The following GTF2H1 variants were observed in gnomAD, a reference collection of about 807,000 sequenced individuals.
GTF2H1 encodes BTF2 p62.
Under a neutral mutation model 71.2 loss-of-function variants are expected in GTF2H1, and 16 were observed. That is an observed-to-expected ratio of 0.22 (90% CI 0.15 to 0.34). The LOEUF is 0.34. GTF2H1 is among the 10% of genes least tolerant of loss of function. GTF2H1 has a pLI of 1.00. For synonymous variants in GTF2H1, 215 were observed against 219.0 expected (o/e 0.98, Z 0.16); for missense variants, 498 against 648.2 (o/e 0.77, Z 2.52).
intron 5 of GTF2H1, among the ~76,000 whole-genome samples, chr11:18,341,050 G>A (rs957657204): frequency 1.9e-4 from 29 of 152,068 alleles, no homozygotes; most frequent in African/African-American, 6.5e-4. Flanking sequence ...GTGCAAATAA[G>A]GTTTTGTTTG....
At chr11:18,347,565 T>G (rs937419728) in intron 7 of GTF2H1, 23 bp from the exon 8 acceptor site, 3 of 1,524,904 alleles carry the variant, frequency 2.0e-6, no homozygotes, top group Admixed American at 2.2e-5. Flanking sequence ...TTTAAAAAAT[T>G]TTTAATCTAT....
At chr11:18,331,601 G>A (rs1441061355) in intron 1 of GTF2H1, among the ~76,000 whole-genome samples, 7 of 152,048 alleles carry the variant, frequency 4.6e-5, no homozygotes, top group African/African-American at 1.7e-4. Flanking sequence ...AGGAGGCGAA[G>A]GTTGTGGTGA....
chr11:18,354,741 A>C (rs1865503729), intron 11 of GTF2H1, among the ~76,000 whole-genome samples: 1 of 152,106 alleles, frequency 6.6e-6, no homozygotes, highest in South Asian at 2.1e-4. Flanking sequence ...TCTGTTTGTT[A>C]TTTATATCAG....
chr11:18,355,564 G>A (rs1865526009), intron 11 of GTF2H1, among the ~76,000 whole-genome samples: 3 of 151,878 alleles, frequency 2.0e-5, no homozygotes, highest in Admixed American at 1.3e-4. Flanking sequence ...GGAGTGTAGT[G>A]GCACAATCTC....
intron 13 of GTF2H1, 76 bp downstream of exon 13, chr11:18,358,716 T>C: frequency 1.2e-6 from 1 of 852,626 alleles, no homozygotes; most frequent in South Asian, 1.4e-5. Context: ...GAAAGTTTTA[T>C]TGAGTCTTAC....
intron 11 of GTF2H1, among the ~76,000 whole-genome samples, chr11:18,354,984 A>G (rs1190655710): frequency 6.6e-6 from 1 of 151,152 alleles, no homozygotes; most frequent in Non-Finnish European, 1.5e-5. Context: ...AAGTTTTTGT[A>G]TTTTTGGTAG....
intron 3 of GTF2H1, among the ~76,000 whole-genome samples, chr11:18,337,267 A>T (rs753691105): frequency 9.2e-5 from 14 of 151,716 alleles, no homozygotes; most frequent in Non-Finnish European, 1.9e-4. Flanking sequence ...CACGTCTACT[A>T]AAAAAAATAC....
At chr11:18,358,399 T>C (rs570297458) in intron 12 of GTF2H1, 126 bp from the exon 13 acceptor site, 53 of 594,598 alleles carry the variant, frequency 8.9e-5, no homozygotes, top group Non-Finnish European at 1.4e-4. Flanking sequence ...TATCTGAAAA[T>C]AGCACATCCT....
chr11:18,347,998 T>G, intron 9 of GTF2H1, 79 bp downstream of exon 9: 1 of 892,560 alleles, frequency 1.1e-6, no homozygotes, highest in Admixed American at 1.9e-5. Flanking sequence ...CTGTATACGC[T>G]TATTTCCTGT....
chr11:18,340,203 C>G (rs1865125479), intron 5 of GTF2H1, among the ~76,000 whole-genome samples: 1 of 152,146 alleles, frequency 6.6e-6, no homozygotes, highest in African/African-American at 2.4e-5. Flanking sequence ...GCCTGTAATC[C>G]CAACACTTCA....
At chr11:18,346,147 C>T (rs1472171213) in intron 7 of GTF2H1, among the ~76,000 whole-genome samples, 1 of 152,134 alleles carries the variant, frequency 6.6e-6, no homozygotes, top group African/African-American at 2.4e-5. Context: ...CCTGGACCAC[C>T]GTTATTAGTG....
Position 18,366,184 on chromosome 11 carries a change from C to T in GTF2H1, c.*315C>T, listed in dbSNP as rs1347008775. 22 of 261,450 alleles carry T rather than the reference C, an allele frequency of 8.4e-5. No homozygotes were observed. The highest frequency in any genetic ancestry group is 7.2e-6 in the Non-Finnish European group (1 of 139,334). 16.2% of individuals were successfully genotyped at this position (261,450 alleles called of 1,614,324 possible). A position where few individuals can be genotyped will look rare whatever the true frequency, so the allele number is the denominator to read the frequency against. Reference sequence around the variant, plus strand: ...TTTAAAAGACTGTTTACTGCAGTTGCTCAGGAACTGCTTTTGATTCACATT... The same window carrying T: ...TTTAAAAGACTGTTTACTGCAGTTGTTCAGGAACTGCTTTTGATTCACATT... On this transcript the variant is annotated 3_prime_UTR_variant, in exon 15 of 15. Transcript: ENST00000265963.
chr11:18,350,552 G>A (rs1397545097), intron 9 of GTF2H1, among the ~76,000 whole-genome samples: 3 of 151,886 alleles, frequency 2.0e-5, no homozygotes, highest in Non-Finnish European at 2.9e-5. Context: ...AATTTAAAAC[G>A]TTAAGTTTTC....
At chr11:18,348,122 T>C (rs1865340890) in intron 9 of GTF2H1, 1 of 588,612 alleles carries the variant, frequency 1.7e-6, no homozygotes, top group Non-Finnish European at 3.0e-6. Context: ...TCTAGCCTGT[T>C]AGCCATTTTT....
chr11:18,362,861 G>A (rs1005226134), intron 14 of GTF2H1, among the ~76,000 whole-genome samples: 4 of 151,590 alleles, frequency 2.6e-5, no homozygotes, highest in African/African-American at 7.3e-5. Context: ...AGTAGAGACC[G>A]GGTTTCACTG....
intron 11 of GTF2H1, among the ~76,000 whole-genome samples, chr11:18,353,883 A>G (rs1223712206): frequency 1.3e-5 from 2 of 152,234 alleles, no homozygotes; most frequent in Non-Finnish European, 2.9e-5. Flanking sequence ...TAACAGTACA[A>G]TTATAGAATT....
At chr11:18,355,659 A>G (rs1471552034) in intron 11 of GTF2H1, among the ~76,000 whole-genome samples, 1 of 151,810 alleles carries the variant, frequency 6.6e-6, no homozygotes, top group Non-Finnish European at 1.5e-5. Flanking sequence ...GACTCCAGGC[A>G]TGTGTCACCA....
Position 18,357,998 on chromosome 11 carries a change from C to G in GTF2H1, c.1307C>G (p.Pro436Arg). 6.2e-7 allele frequency: 1 copy of G among 1,613,244 alleles called. No homozygotes were observed. Among genetic ancestry groups the G allele is most frequent in the Non-Finnish European group, 8.5e-7 (1 of 1,179,346 alleles). Residue 436 changes from proline (P) to arginine (R), a missense_variant, in exon 12 of 15, where the codon CCT becomes CGT. Coordinates refer to ENST00000265963, the MANE Select transcript of GTF2H1 (RefSeq NM_005316.4). ...AGTAGTACCATCACAGCACTGTCAC[C>G]TGGAGGGGCACTTATGCAGGGAGGA... Reference protein sequence around the residue: ...AASSTITALSPGGALMQGGTQ... With the variant: ...AASSTITALSRGGALMQGGTQ...
chr11:18,344,616 CAAAA>C (rs201176508), intron 7 of GTF2H1, among the ~76,000 whole-genome samples: 12 of 100,426 alleles, frequency 1.2e-4, no homozygotes, highest in Admixed American at 3.2e-4. Flanking sequence ...GAGACTGTCT[CAAAA>C]AAAAAAAAAA....
Sources: allele counts gnomAD v4.1 joint callset (sites outside exome capture counted in the v4.1 genomes callset), GRCh38; gene constraint gnomAD v4.1.1; transcripts MANE v1.5; gene names NCBI Gene and HGNC (gene_info 2026-07-23, HGNC 2026-07-21).